The following EIF4G3 variants were observed in gnomAD, a reference collection of about 807,000 sequenced individuals.
EIF4G3 encodes the protein eIF-4-gamma 3.
Under a neutral mutation model 186.4 loss-of-function variants are expected in EIF4G3, and 34 were observed. That is an observed-to-expected ratio of 0.18 (90% CI 0.14 to 0.24). The LOEUF (loss-of-function observed/expected upper bound fraction) is 0.24, where lower values mean the gene tolerates loss of function less well. Ranked by LOEUF, EIF4G3 falls within the 10% of genes least tolerant of loss-of-function variation. The pLI, the probability that EIF4G3 is intolerant of heterozygous loss-of-function variation, is 1.00. For missense variants in EIF4G3, 1,536 were observed against 1,948.5 expected (o/e 0.79, Z 3.99); for synonymous variants, 673 against 679.5 (o/e 0.99, Z 0.15).
intron 15 of EIF4G3, among the ~76,000 whole-genome samples, chr1:20,904,192 A>C (rs1381970077): frequency 6.6e-6 from 1 of 152,222 alleles, no homozygotes; most frequent in Non-Finnish European, 1.5e-5. Flanking sequence ...CAGATTCAAA[A>C]TCAATTCCTT....
At chr1:21,150,717 C>T (rs141037638) in intron 2 of EIF4G3, among the ~76,000 whole-genome samples, 4,517 of 152,280 alleles carry the variant, frequency 0.03, 237 homozygotes, top group African/African-American at 0.1. Flanking sequence ...TGGCTCAGGC[C>T]TGTAATCCCA....
chr1:21,095,927 GAAT>G (rs2096357579), intron 2 of EIF4G3, among the ~76,000 whole-genome samples: 1 of 152,154 alleles, frequency 6.6e-6, no homozygotes, highest in African/African-American at 2.4e-5. Flanking sequence ...ATGCAAAAAT[GAAT>G]GATACACTCA....
rs553536590 is a variant in EIF4G3 at position 20,924,819 on chromosome 1, C to T, written c.1663+16672G>A. 5.9e-5 allele frequency among the ~76,000 whole-genome samples: 9 copies of T among 152,326 alleles called. No homozygotes were observed. The South Asian group carries it at 1.7e-3, about 28-fold the overall frequency. On this transcript the variant is annotated intron_variant, in intron 14 of 36. Transcript: ENST00000602326. ...TCAGGTGATCTGCCCACCTTGGCCT[C>T]CCAAAGTGCTGGGATTACAGGTGTG...
chr1:20,968,456 C>CA (rs1420678332), intron 12 of EIF4G3, among the ~76,000 whole-genome samples: 1 of 152,166 alleles, frequency 6.6e-6, no homozygotes, highest in Non-Finnish European at 1.5e-5. Flanking sequence ...GGTGGGATTA[C>CA]AGGCATGAGC....
intron 18 of EIF4G3, among the ~76,000 whole-genome samples, chr1:20,889,548 G>C (rs1258924377): frequency 6.6e-6 from 1 of 152,146 alleles, no homozygotes; most frequent in Non-Finnish European, 1.5e-5. Context: ...CCAGGATGGA[G>C]TGCAGTGGCA....
intron 7 of EIF4G3, among the ~76,000 whole-genome samples, chr1:20,994,160 T>C (rs2081737348): frequency 6.6e-6 from 1 of 152,200 alleles, no homozygotes; most frequent in South Asian, 2.1e-4. Context: ...TTAATTGTAT[T>C]ATATACGGCA....
At chr1:21,172,192 A>T (rs1375495240) in intron 2 of EIF4G3, among the ~76,000 whole-genome samples, 1 of 151,168 alleles carries the variant, frequency 6.6e-6, no homozygotes, top group Non-Finnish European at 1.5e-5. Context: ...CAGCAATGGA[A>T]TTGGAAAAAG....
At chr1:21,029,546 GA>G (rs1391309629) in intron 4 of EIF4G3, among the ~76,000 whole-genome samples, 2 of 151,958 alleles carry the variant, frequency 1.3e-5, no homozygotes, top group Admixed American at 1.3e-4. Context: ...AAGGCAGAAG[GA>G]TCACTTGAAG....
chr1:21,021,483 T>A (rs2090669011), intron 4 of EIF4G3, among the ~76,000 whole-genome samples: 2 of 152,176 alleles, frequency 1.3e-5, no homozygotes, highest in Admixed American at 1.3e-4. Flanking sequence ...GCTCTCTCCT[T>A]CAAAGCCAAG....
At chr1:21,020,666 A>G (rs1174889849) in intron 4 of EIF4G3, among the ~76,000 whole-genome samples, 1 of 152,188 alleles carries the variant, frequency 6.6e-6, no homozygotes, top group South Asian at 2.1e-4. Context: ...TTAATTTTCC[A>G]TTCTAGGTTA....
At chr1:20,896,278 T>A (rs1391841083) in intron 16 of EIF4G3, among the ~76,000 whole-genome samples, 1 of 150,606 alleles carries the variant, frequency 6.6e-6, no homozygotes, top group Admixed American at 6.6e-5. Context: ...AGAAAAAAAA[T>A]TTTAAAAAAT....
At chr1:20,855,170 G>A in intron 25 of EIF4G3, 99 bp from the exon 26 acceptor site, 2 of 911,916 alleles carry the variant, frequency 2.2e-6, no homozygotes, top group Non-Finnish European at 3.2e-6. Context: ...ACCAATTTTA[G>A]CAACAAAAAT....
chr1:20,973,176 T>A, intron 10 of EIF4G3, 77 bp from the exon 11 acceptor site: 1 of 1,042,428 alleles, frequency 9.6e-7, no homozygotes, highest in Non-Finnish European at 1.4e-6. Flanking sequence ...ACACTGTGTC[T>A]CTGCACAATC....
intron 3 of EIF4G3, among the ~76,000 whole-genome samples, chr1:21,084,781 T>C (rs2095905740): frequency 6.6e-6 from 1 of 152,060 alleles, no homozygotes; most frequent in African/African-American, 2.4e-5. Context: ...TTAGTTAAGG[T>C]AGAATGGCCA....
chr1:21,121,107 A>C (rs937962423), intron 2 of EIF4G3, among the ~76,000 whole-genome samples: 3 of 152,014 alleles, frequency 2.0e-5, no homozygotes, highest in Admixed American at 2.0e-4. Context: ...TTATACAGAC[A>C]GTGTCTCACC....
intron 20 of EIF4G3, among the ~76,000 whole-genome samples, chr1:20,878,664 C>T (rs1323901637): frequency 6.6e-6 from 1 of 152,154 alleles, no homozygotes; most frequent in Non-Finnish European, 1.5e-5. Context: ...AAAGGACAGA[C>T]ATTTCTGACA....
chr1:20,981,270 C>G (rs1222578381), intron 8 of EIF4G3, 43 bp from the exon 9 acceptor site: 2 of 1,258,998 alleles, frequency 1.6e-6, no homozygotes, highest in Non-Finnish European at 2.2e-6. Flanking sequence ...TTTTTTAACA[C>G]AGGGGAATAT....
At chr1:21,156,147 A>G (rs540444212) in intron 2 of EIF4G3, among the ~76,000 whole-genome samples, 1 of 151,806 alleles carries the variant, frequency 6.6e-6, no homozygotes, top group East Asian at 1.9e-4. Context: ...AAAAACAACA[A>G]AAAAAAACTC....
chr1:21,138,087 C>T (rs2097277430), intron 2 of EIF4G3, among the ~76,000 whole-genome samples: 1 of 152,128 alleles, frequency 6.6e-6, no homozygotes, highest in Admixed American at 6.6e-5. Context: ...CTGAATTACA[C>T]TAGAAATAGC....
Sources: gnomAD v4.1 joint callset for allele counts (sites outside exome capture counted in the v4.1 genomes callset) on GRCh38, gnomAD v4.1.1 for gene constraint, MANE v1.5 for transcripts, NCBI Gene and HGNC (gene_info 2026-07-23, HGNC 2026-07-21) for gene names.